WDFY3: variants seen among roughly 807,000 people sequenced by gnomAD.
WDFY3 encodes WD repeat and FYVE domain containing 3, also known as WD repeat and FYVE domain-containing protein 3.
Under a neutral mutation model 409.6 loss-of-function variants are expected in WDFY3, and 66 were observed. The observed-to-expected ratio is 0.16, with a 90% confidence interval of 0.13 to 0.20. The LOEUF is 0.20. WDFY3 is among the 10% of genes least tolerant of loss of function. The probability of loss-of-function intolerance (pLI) is 1.00; values close to 1 mark genes in which losing one functional copy is unlikely to be tolerated. For synonymous variants in WDFY3, 1,521 were observed against 1,537.1 expected (o/e 0.99, Z 0.25); for missense variants, 3,031 against 4,298.1 (o/e 0.71, Z 8.24).
intron 3 of WDFY3, among the ~76,000 whole-genome samples, chr4:84,892,806 T>C (rs1765126252): frequency 6.6e-6 from 1 of 152,188 alleles, no homozygotes; most frequent in African/African-American, 2.4e-5. Flanking sequence ...AAGAAATCAA[T>C]TATGTCTGAT....
intron 47 of WDFY3, among the ~76,000 whole-genome samples, chr4:84,720,522 G>C (rs1487819896): frequency 6.6e-6 from 1 of 152,106 alleles, no homozygotes; most frequent in African/African-American, 2.4e-5. Context: ...GAGGTGTCTG[G>C]GTCATGGGGG....
intron 21 of WDFY3, among the ~76,000 whole-genome samples, chr4:84,793,107 C>T (rs888947987): frequency 6.6e-6 from 1 of 152,184 alleles, no homozygotes; most frequent in African/African-American, 2.4e-5. Flanking sequence ...TTCAAGTTGA[C>T]TCAGGTTTCT....
intron 2 of WDFY3, among the ~76,000 whole-genome samples, chr4:84,914,358 G>A (rs1253000995): frequency 6.6e-6 from 1 of 152,068 alleles, no homozygotes; most frequent in Non-Finnish European, 1.5e-5. Context: ...AGGTTGCAGT[G>A]GTCCGAGATA....
chr4:84,926,219 A>T (rs1164256257), intron 2 of WDFY3, among the ~76,000 whole-genome samples: 1 of 149,846 alleles, frequency 6.7e-6, no homozygotes, highest in Non-Finnish European at 1.5e-5. Context: ...AGAAAAAAAA[A>T]AAAAAAATCA....
At chr4:84,879,045 TA>T (rs1364324987) in intron 3 of WDFY3, among the ~76,000 whole-genome samples, 1 of 152,306 alleles carries the variant, frequency 6.6e-6, no homozygotes, top group Admixed American at 6.5e-5. Flanking sequence ...CAACTTTCCT[TA>T]AAAGTGACAA....
chr4:84,953,914 G>A (rs897100597), intron 1 of WDFY3, among the ~76,000 whole-genome samples: 2 of 151,964 alleles, frequency 1.3e-5, no homozygotes, highest in Admixed American at 6.6e-5. Flanking sequence ...CAGTTCAATC[G>A]AAAATAATCT....
chr4:84,930,068 G>A (rs1770561064), intron 2 of WDFY3, among the ~76,000 whole-genome samples: 1 of 152,122 alleles, frequency 6.6e-6, no homozygotes, highest in African/African-American at 2.4e-5. Flanking sequence ...ACTGGCGTCA[G>A]ACTTCCAGCA....
chr4:84,912,627 G>C (rs565583284), intron 2 of WDFY3, among the ~76,000 whole-genome samples: 314 of 152,034 alleles, frequency 2.1e-3, no homozygotes, highest in Non-Finnish European at 3.5e-3. Context: ...AAGAGAACAG[G>C]AGACGCAGCT....
chr4:84,690,057 C>T (rs1486480357), intron 61 of WDFY3, among the ~76,000 whole-genome samples: 1 of 151,950 alleles, frequency 6.6e-6, no homozygotes. Flanking sequence ...TCATCAAGGG[C>T]TCTACTGAAT....
At position 84,860,602 on chromosome 4, in the gene WDFY3, T is replaced by C. The variant is rs1560945438; in HGVS notation, c.-11A>G. 1 of 1,593,190 alleles carries C rather than the reference T, an allele frequency of 6.3e-7. No individual in the cohort carries two copies. The highest frequency in any genetic ancestry group is 1.3e-5 in the African/African-American group (1 of 74,520). On this transcript the variant is annotated 5_prime_UTR_variant, in exon 4 of 68. Coordinates refer to ENST00000295888, the MANE Select transcript of WDFY3 (RefSeq NM_014991.6). ...CTTCACCATGTTCATCTTGGCTGGT[T>C]GGTGAGACGCACTTCTAATTCTGTA...
chr4:84,731,682 C>T (rs535847771), intron 44 of WDFY3, among the ~76,000 whole-genome samples: 8 of 152,250 alleles, frequency 5.3e-5, no homozygotes, highest in Admixed American at 2.6e-4. Flanking sequence ...GATGATACTA[C>T]GGTTGTAGAT....
intron 59 of WDFY3, 147 bp downstream of exon 59, chr4:84,692,734 ACTAG>A: frequency 1.5e-6 from 1 of 674,584 alleles, no homozygotes; most frequent in Non-Finnish European, 2.3e-6. Flanking sequence ...AAATATAAAT[ACTAG>A]TAGGTATTTA....
chr4:84,735,819 A>G (rs1737345833), intron 42 of WDFY3, among the ~76,000 whole-genome samples: 1 of 152,202 alleles, frequency 6.6e-6, no homozygotes, highest in South Asian at 2.1e-4. Flanking sequence ...ACACAACAAG[A>G]TTGTAAAAAT....
At chr4:84,831,227 T>C (rs180777874) in intron 8 of WDFY3, among the ~76,000 whole-genome samples, 186 bp downstream of exon 8, 1 of 150,830 alleles carries the variant, frequency 6.6e-6, no homozygotes, top group East Asian at 1.9e-4. Context: ...TCAGAACTTA[T>C]GAGGAGAATG....
At chr4:84,814,183 T>C (rs954746474) in intron 13 of WDFY3, among the ~76,000 whole-genome samples, 1 of 152,146 alleles carries the variant, frequency 6.6e-6, no homozygotes, top group African/African-American at 2.4e-5. Flanking sequence ...GAAGTAGATA[T>C]AAGAAAACTC....
chr4:84,783,159 G>GT, intron 24 of WDFY3, 85 bp from the exon 25 acceptor site: 1 of 1,221,850 alleles, frequency 8.2e-7, no homozygotes, highest in Non-Finnish European at 1.2e-6. Context: ...CACATGAATG[G>GT]TAACATATCT....
intron 42 of WDFY3, 61 bp from the exon 43 acceptor site, chr4:84,735,181 T>C: frequency 1.9e-5 from 28 of 1,459,142 alleles, no homozygotes; most frequent in Non-Finnish European, 2.6e-5. Flanking sequence ...AAATAGTTAA[T>C]TACCCTTGAA....
intron 52 of WDFY3, 22 bp from the exon 53 acceptor site, chr4:84,709,050 T>C (rs1337448973): frequency 6.2e-7 from 1 of 1,612,776 alleles, no homozygotes; most frequent in East Asian, 2.2e-5. Flanking sequence ...TAAATATTCA[T>C]TTTTGAGCTA....
At chr4:84,816,487 A>AT (rs1351214037) in intron 13 of WDFY3, among the ~76,000 whole-genome samples, 7 of 152,146 alleles carry the variant, frequency 4.6e-5, no homozygotes, top group Non-Finnish European at 7.4e-5. Flanking sequence ...TATTTTTATC[A>AT]TAAGGATTAA....
Sources: allele counts gnomAD v4.1 joint callset (sites outside exome capture counted in the v4.1 genomes callset), GRCh38; gene constraint gnomAD v4.1.1; transcripts MANE v1.5; gene names NCBI Gene and HGNC (gene_info 2026-07-23, HGNC 2026-07-21).